The following LDB2 variants were observed in gnomAD, a reference collection of about 807,000 sequenced individuals.
LDB2 encodes LIM domain binding 2.
Under a neutral mutation model 44.3 loss-of-function variants are expected in LDB2, and 12 were observed. The ratio of observed to expected loss-of-function variants is 0.27; its 90% CI spans 0.17 to 0.44. LDB2 has a LOEUF of 0.44. LDB2 is among the 20% of genes least tolerant of loss of function. The pLI, the probability that LDB2 is intolerant of heterozygous loss-of-function variation, is 1.00. For synonymous variants in LDB2, 164 were observed against 174.8 expected (o/e 0.94, Z 0.49); for missense variants, 344 against 473.5 (o/e 0.73, Z 2.54).
At chr4:16,784,854 G>A (rs1774046106) in intron 1 of LDB2, among the ~76,000 whole-genome samples, 1 of 152,044 alleles carries the variant, frequency 6.6e-6, no homozygotes, top group African/African-American at 2.4e-5. Flanking sequence ...TAACCATAAT[G>A]TCAGAAAACA....
intron 5 of LDB2, among the ~76,000 whole-genome samples, chr4:16,536,115 A>G (rs988571703): frequency 3.3e-5 from 5 of 152,220 alleles, no homozygotes; most frequent in African/African-American, 1.2e-4. Flanking sequence ...ATTTGCCCCT[A>G]CAGGATGGTC....
intron 1 of LDB2, among the ~76,000 whole-genome samples, chr4:16,893,397 A>G (rs1214218553): frequency 6.6e-6 from 1 of 152,114 alleles, no homozygotes; most frequent in African/African-American, 2.4e-5. Context: ...ACTAGATTCC[A>G]TCTGAACATC....
chr4:16,874,197 T>C (rs1362135105), intron 1 of LDB2, among the ~76,000 whole-genome samples: 2 of 152,184 alleles, frequency 1.3e-5, no homozygotes, highest in African/African-American at 2.4e-5. Context: ...AAGATCATCA[T>C]GGCAATGCAT....
Position 16,595,773 on chromosome 4 carries a change from T to C in LDB2, c.338A>G (p.Asn113Ser). The C allele has an allele frequency of 1.2e-6, 2 of 1,613,230 alleles. No individual in the cohort carries two copies. The highest frequency in any genetic ancestry group is 1.7e-6 in the Non-Finnish European group (2 of 1,179,690). Residue 113 changes from asparagine (N) to serine (S), a missense_variant, in exon 3 of 8, where the codon AAC becomes AGC. Physicochemically the swap from Asn to Ser is conservative, Grantham distance 46 (BLOSUM62 1). Transcript: ENST00000304523. Reference sequence around the variant, plus strand: ...GTCGCAGTCCACCGTGATGGATGAGTTGTGGTATGACTCTTTCGAGTGTTT... The same window carrying C: ...GTCGCAGTCCACCGTGATGGATGAGCTGTGGTATGACTCTTTCGAGTGTTT... ...ILKHSKESYH[N>S]SSITVDCDQC... is the part of the protein sequence containing the mutation.
intron 2 of LDB2, among the ~76,000 whole-genome samples, chr4:16,745,657 A>G (rs1764246705): frequency 6.6e-6 from 1 of 152,188 alleles, no homozygotes; most frequent in African/African-American, 2.4e-5. Flanking sequence ...AAGAAAATTT[A>G]TAAATGTCAG....
At chr4:16,746,241 A>G (rs1310590887) in intron 2 of LDB2, among the ~76,000 whole-genome samples, 1 of 152,244 alleles carries the variant, frequency 6.6e-6, no homozygotes, top group African/African-American at 2.4e-5. Flanking sequence ...AATGTTTATC[A>G]TTTTAACTTA....
At chr4:16,760,886 T>C (rs1767757956) in intron 1 of LDB2, among the ~76,000 whole-genome samples, 1 of 152,168 alleles carries the variant, frequency 6.6e-6, no homozygotes, top group East Asian at 1.9e-4. Context: ...ACTACACAGA[T>C]GGAAAAAGAG....
intron 7 of LDB2, chr4:16,503,129 A>C (rs1319551267): frequency 6.5e-7 from 1 of 1,535,968 alleles, no homozygotes; most frequent in South Asian, 1.2e-5. Context: ...CAATGCTAGC[A>C]ATCTGCAGAA....
At chr4:16,598,024 C>T (rs1392021828) in intron 2 of LDB2, among the ~76,000 whole-genome samples, 1 of 152,122 alleles carries the variant, frequency 6.6e-6, no homozygotes, top group Non-Finnish European at 1.5e-5. Context: ...TCCCATTTTC[C>T]CATGGTCCTG....
chr4:16,761,008 G>A lies in LDB2; in HGVS notation c.133-1748C>T, dbSNP rs112668903. On this transcript the variant is annotated intron_variant, in intron 1 of 7. Transcript: ENST00000304523. ...CGAATCCACTTCTTCTGTGTGTGTG[G>A]TTTTTTTTTTTTCTCTTCAATACAA... Among the ~76,000 whole-genome samples the A allele has an allele frequency of 1.4e-3, 197 of 145,176 alleles. 2 individuals are homozygous for A. Among genetic ancestry groups the A allele is most frequent in the African/African-American group, 4.8e-3 (190 of 39,810 alleles).
At chr4:16,825,891 A>G (rs897645021) in intron 1 of LDB2, among the ~76,000 whole-genome samples, 4 of 152,146 alleles carry the variant, frequency 2.6e-5, no homozygotes, top group Non-Finnish European at 5.9e-5. Flanking sequence ...CAATTAAAGC[A>G]CCAAAATATA....
intron 2 of LDB2, among the ~76,000 whole-genome samples, chr4:16,753,202 A>G (rs534232532): frequency 2.0e-5 from 3 of 152,364 alleles, no homozygotes; most frequent in South Asian, 2.1e-4. Context: ...TGCCTTATGC[A>G]TATTACCAAG....
chr4:16,581,958 TAAA>T (rs1714696577), intron 5 of LDB2, among the ~76,000 whole-genome samples: 2 of 94,468 alleles, frequency 2.1e-5, no homozygotes, highest in South Asian at 3.2e-4. Flanking sequence ...GGGAGGGAAA[TAAA>T]AGAAAGAAGG....
chr4:16,681,836 G>T (rs151144338), intron 2 of LDB2, among the ~76,000 whole-genome samples: 375 of 152,046 alleles, frequency 2.5e-3, no homozygotes, highest in African/African-American at 8.6e-3. Context: ...CTCCCAAAGT[G>T]CTGGGATTAC....
intron 2 of LDB2, among the ~76,000 whole-genome samples, chr4:16,635,505 C>G (rs548662286): frequency 6.6e-6 from 1 of 152,230 alleles, no homozygotes; most frequent in East Asian, 1.9e-4. Context: ...TTGCTTTAGA[C>G]ACAGGTGAAG....
At chr4:16,826,000 C>A (rs1782994453) in intron 1 of LDB2, among the ~76,000 whole-genome samples, 1 of 151,250 alleles carries the variant, frequency 6.6e-6, no homozygotes, top group Admixed American at 6.6e-5. Flanking sequence ...ATTATATATT[C>A]TATTATTTAT....
chr4:16,648,409 C>T (rs944019676), intron 2 of LDB2, among the ~76,000 whole-genome samples: 5 of 152,200 alleles, frequency 3.3e-5, no homozygotes, highest in African/African-American at 1.2e-4. Context: ...AAGGTGTGTG[C>T]CCTTGGTCAA....
intron 2 of LDB2, chr4:16,752,592 T>C (rs1176696039): frequency 3.3e-6 from 1 of 299,812 alleles, no homozygotes. Context: ...CTCACTCACT[T>C]ATTCTGTCAT....
chr4:16,506,056 G>A lies in LDB2; in HGVS notation c.891+2479C>T, dbSNP rs1719289455. On this transcript the variant is annotated intron_variant, in intron 7 of 7. Coordinates refer to ENST00000304523, the MANE Select transcript of LDB2 (RefSeq NM_001290.5). The stretch of plus-strand genomic sequence containing the variant: ...GCCAGACACACACATCGCTGCCGCA[G>A]CAGCTACACAGACCACAGCTGTGGT... 4.0e-6 allele frequency: 6 copies of A among 1,487,782 alleles called. No homozygotes were observed. In the Admixed American group the frequency reaches 1.0e-4, roughly 26 times the overall value. 92.2% of individuals were successfully genotyped at this position (1,487,782 alleles called of 1,614,324 possible).
Sources: gnomAD v4.1 joint callset for allele counts (sites outside exome capture counted in the v4.1 genomes callset) on GRCh38, gnomAD v4.1.1 for gene constraint, MANE v1.5 for transcripts, NCBI Gene and HGNC (gene_info 2026-07-23, HGNC 2026-07-21) for gene names.